RAD21L1: variants seen among roughly 807,000 people sequenced by gnomAD.
RAD21L1 encodes double-strand-break repair protein rad21-like protein 1.
RAD21L1 carries 47 observed loss-of-function variants against 69.0 expected under a neutral mutation model. That is an observed-to-expected ratio of 0.68 (90% CI 0.54 to 0.87). RAD21L1 has a LOEUF of 0.87. Ranked by LOEUF, RAD21L1 falls within the 40% of genes least tolerant of loss-of-function variation. RAD21L1 has a pLI of 0.00. For synonymous variants in RAD21L1, 177 were observed against 205.8 expected, an observed-to-expected ratio of 0.86 and a Z score of 1.20; for missense variants, 583 against 647.6, an observed-to-expected ratio of 0.90 and a Z score of 1.08.
chr20:1,254,822 G>A lies in RAD21L1; in HGVS notation c.*365G>A, dbSNP rs750615373. On this transcript the variant is annotated 3_prime_UTR_variant, in exon 14 of 14. Transcript: ENST00000683101. Reference sequence around the variant, plus strand: ...CTCAGAAATACTTAATTATAGCTAAGTAATTATTTTTAACTTAGCTGATTT... The same window carrying A: ...CTCAGAAATACTTAATTATAGCTAAATAATTATTTTTAACTTAGCTGATTT... Among the ~76,000 whole-genome samples the A allele has an allele frequency of 1.8e-4, 28 of 152,142 alleles. No homozygotes were observed. The highest frequency in any genetic ancestry group is 5.2e-4 in the Admixed American group (8 of 15,284).
chr20:1,235,410 A>AT (rs2122795653), intron 5 of RAD21L1, among the ~76,000 whole-genome samples: 1 of 152,212 alleles, frequency 6.6e-6, no homozygotes, highest in African/African-American at 2.4e-5. Context: ...ATATTTGTCC[A>AT]TTTTCAATCT....
At position 1,234,944 on chromosome 20, in the gene RAD21L1, T is replaced by C. The variant is rs117904810; in HGVS notation, c.475+753T>C. 9.9e-3 allele frequency among the ~76,000 whole-genome samples: 1,509 copies of C among 152,270 alleles called. 25 individuals are homozygous for C. The highest frequency in any genetic ancestry group is 0.06 in the South Asian group (290 of 4,816). On this transcript the variant is annotated intron_variant, in intron 5 of 13. Coordinates refer to ENST00000683101, the MANE Select transcript of RAD21L1 (RefSeq NM_001384355.1). Reference sequence around the variant, plus strand: ...TTTTTGTAAAGACAGGGTCTTGCTATGTTGCCCAGGCTGGTCTTGAACCTC... The same window carrying C: ...TTTTTGTAAAGACAGGGTCTTGCTACGTTGCCCAGGCTGGTCTTGAACCTC...
Position 1,231,595 on chromosome 20 carries a change from A to C in RAD21L1, c.344A>C (p.His115Pro). 2 of 1,521,482 alleles carry C rather than the reference A, an allele frequency of 1.3e-6. No individual in the cohort carries two copies. The highest frequency in any genetic ancestry group is 1.8e-6 in the Non-Finnish European group (2 of 1,123,024). The allele number at this position is 1,521,482 out of a possible 1,614,324, so 94.2% of individuals were successfully genotyped here. A position where few individuals can be genotyped will look rare whatever the true frequency, so the allele number is the denominator to read the frequency against. The stretch of plus-strand genomic sequence containing the variant: ...GCTATCACATTGCCAGAAGAATTTC[A>C]TGATTTTGACACCCAAAATATGAAG... ...YNAITLPEEF[H>P]DFDTQNMNAI... is the part of the protein sequence containing the mutation. Residue 115 changes from histidine to proline, a missense_variant, in exon 4 of 14, where the codon CAT (histidine) becomes CCT (proline). By Grantham distance (77) the His-to-Pro change is moderately conservative. Transcript: ENST00000683101.
At chr20:1,241,585 C>T (rs2087608500) in intron 8 of RAD21L1, among the ~76,000 whole-genome samples, 2 of 152,058 alleles carry the variant, frequency 1.3e-5, no homozygotes, top group African/African-American at 4.8e-5. Flanking sequence ...GCTTCCCTGT[C>T]TTATTTCCAC....
rs1411885803 is a variant in RAD21L1, at chr20:1,246,270, T to C, written c.1366T>C (p.Phe456Leu). 3 of 1,538,344 alleles carry C rather than the reference T, an allele frequency of 2.0e-6. No homozygotes were observed. Among genetic ancestry groups the C allele is most frequent in the East Asian group, 5.0e-5 (2 of 40,192 alleles). Residue 456 changes from phenylalanine to leucine, a missense_variant, in exon 12 of 14, where the codon TTT (phenylalanine) becomes CTT (leucine). Physicochemically the swap from Phe to Leu is conservative, Grantham distance 22. Coordinates refer to ENST00000683101, the MANE Select transcript of RAD21L1 (RefSeq NM_001384355.1). This position sits in a 1 kb window ranked among gnomAD's most constrained non-coding sequence, Gnocchi z 4.6. ...AEESSLMNDL[F>L]AQEIEYSPVE... ...GGAATCATCTTTAATGAATGACTTATTTGCACAAGAAATTGAATATAGTCC... is the reference window on the plus strand; with the variant it reads ...GGAATCATCTTTAATGAATGACTTACTTGCACAAGAAATTGAATATAGTCC...
At chr20:1,240,213 A>G (rs1375235086) in intron 7 of RAD21L1, 108 bp from the exon 8 acceptor site, 1 of 1,400,094 alleles carries the variant, frequency 7.1e-7, no homozygotes, top group African/African-American at 1.5e-5. Flanking sequence ...TCCAGTTAGT[A>G]ATATAAATCT....
intron 10 of RAD21L1, 130 bp from the exon 11 acceptor site, chr20:1,243,916 T>C: frequency 4.0e-6 from 3 of 741,086 alleles, no homozygotes; most frequent in Non-Finnish European, 6.6e-6. Flanking sequence ...ATAAGAAAGT[T>C]TGTGTATCCT....
rs1444013408 is a variant in RAD21L1, at chr20:1,254,645, C to T, written c.*188C>T. 2.5e-6 allele frequency: 1 copy of T among 406,004 alleles called. No homozygotes were observed. The highest frequency in any genetic ancestry group is 3.6e-5 in the East Asian group (1 of 28,018). 25.2% of individuals were successfully genotyped at this position (406,004 alleles called of 1,614,324 possible). A position where few individuals can be genotyped will look rare whatever the true frequency, so the allele number is the denominator to read the frequency against. On this transcript the variant is annotated 3_prime_UTR_variant, in exon 14 of 14. Coordinates refer to ENST00000683101, the MANE Select transcript of RAD21L1 (RefSeq NM_001384355.1). Reference sequence around the variant, plus strand: ...AAACCTACATGCTTACAAAGAAATACTTTAAATTCTGTTTTGTTTTTTTTT... The same window carrying T: ...AAACCTACATGCTTACAAAGAAATATTTTAAATTCTGTTTTGTTTTTTTTT...
chr20:1,246,248 A>G lies in RAD21L1; in HGVS notation c.1344A>G (p.Glu448=), dbSNP rs181295097. The change falls in exon 12 of 14, where the codon GAA becomes GAG. Residue 448 remains glutamate (E), a synonymous_variant. Coordinates refer to ENST00000683101, the MANE Select transcript of RAD21L1 (RefSeq NM_001384355.1). The surrounding 1 kb of genome is among the most constrained non-coding windows in gnomAD (Gnocchi z 4.6). The part of the protein sequence containing the change: ...IVEMVSLAAE[E]SSLMNDLFAQ... ...AAATGGTGTCTTTAGCTGCTGAGGA[A>G]TCATCTTTAATGAATGACTTATTTG... The G allele has an allele frequency of 4.2e-4, 643 of 1,541,802 alleles. No individual in the cohort carries two copies. Among genetic ancestry groups the G allele is most frequent in the Admixed American group, 6.7e-4 (33 of 49,094 alleles).
rs996877208 is a variant in RAD21L1, at chr20:1,231,589, A to G, written c.338A>G (p.Glu113Gly). The change falls in exon 4 of 14, where the codon GAA becomes GGA. Residue 113 changes from glutamate to glycine, a missense_variant. Physicochemically the swap from Glu to Gly is moderately conservative, Grantham distance 98. Coordinates refer to ENST00000683101, the MANE Select transcript of RAD21L1 (RefSeq NM_001384355.1). ...ASYNAITLPE[E>G]FHDFDTQNMN... ...TACAATGCTATCACATTGCCAGAAG[A>G]ATTTCATGATTTTGACACCCAAAAT... is the stretch of plus-strand genomic sequence containing the variant. The G allele has an allele frequency of 7.2e-6, 11 of 1,531,670 alleles. No homozygotes were observed. The highest frequency in any genetic ancestry group is 9.7e-6 in the Non-Finnish European group (11 of 1,132,126). The allele number at this position is 1,531,670 out of a possible 1,614,324, so 94.9% of individuals were successfully genotyped here.
intron 4 of RAD21L1, among the ~76,000 whole-genome samples, chr20:1,231,865 C>G (rs1410647667): frequency 6.6e-6 from 1 of 152,160 alleles, no homozygotes; most frequent in African/African-American, 2.4e-5. Context: ...CACTGAGTGC[C>G]TTCCATATGC....
rs954304729 is a variant in RAD21L1, at chr20:1,246,400, A to G, written c.1401+95A>G. 1.1e-5 allele frequency: 5 copies of G among 463,640 alleles called. No homozygotes were observed. The highest frequency in any genetic ancestry group is 1.5e-5 in the Non-Finnish European group (4 of 265,982). 28.7% of individuals were successfully genotyped at this position (463,640 alleles called of 1,614,324 possible). A position where few individuals can be genotyped will look rare whatever the true frequency, so the allele number is the denominator to read the frequency against. On this transcript the variant is annotated intron_variant, in intron 12 of 13. Coordinates refer to ENST00000683101, the MANE Select transcript of RAD21L1 (RefSeq NM_001384355.1). This position sits in a 1 kb window ranked among gnomAD's most constrained non-coding sequence, Gnocchi z 4.6. ...CTAAAACTTGGCTTTTATAGCTGTC[A>G]TGTTACTTTCTAAATTTATAATTTA...
At chr20:1,229,176 G>A (rs1222718735) in intron 2 of RAD21L1, among the ~76,000 whole-genome samples, 1 of 152,116 alleles carries the variant, frequency 6.6e-6, no homozygotes, top group Non-Finnish European at 1.5e-5. Context: ...AACCCTATGA[G>A]GTTGGCTTTT....
intron 5 of RAD21L1, among the ~76,000 whole-genome samples, chr20:1,235,793 G>C (rs1160306740): frequency 2.0e-5 from 3 of 151,282 alleles, no homozygotes; most frequent in Non-Finnish European, 4.4e-5. Context: ...TTTTAAATGG[G>C]GTCTTGTTCT....
At chr20:1,227,484 C>T (rs1440903787) in intron 1 of RAD21L1, among the ~76,000 whole-genome samples, 6 of 152,220 alleles carry the variant, frequency 3.9e-5, no homozygotes, top group Non-Finnish European at 8.8e-5. Context: ...CTTTCGCCGA[C>T]TTTGTGTTCG....
chr20:1,239,389 C>T lies in RAD21L1; in HGVS notation c.724C>T (p.Pro242Ser). 6.5e-7 allele frequency: 1 copy of T among 1,545,262 alleles called. No individual in the cohort carries two copies. Among genetic ancestry groups the T allele is most frequent in the Non-Finnish European group, 8.8e-7 (1 of 1,141,340 alleles). ...LNREISLPSE[P>S]PNSLAVEPDN... ...CAGAGAAATTTCCCTGCCTTCTGAG[C>T]CTCCCAATAGTTTAGCAGGTAGGTT... Residue 242 changes from proline (P) to serine (S), a missense_variant, in exon 7 of 14, where the codon CCT becomes TCT. By Grantham distance (74) the Pro-to-Ser change is moderately conservative. Coordinates refer to ENST00000683101, the MANE Select transcript of RAD21L1 (RefSeq NM_001384355.1).
chr20:1,247,190 C>G (rs1481146693), intron 12 of RAD21L1, among the ~76,000 whole-genome samples: 1 of 152,132 alleles, frequency 6.6e-6, no homozygotes, highest in East Asian at 1.9e-4. Context: ...GTCAAGCAAA[C>G]CACAACATAG....
At chr20:1,241,073 T>C (rs568976762) in intron 8 of RAD21L1, among the ~76,000 whole-genome samples, 2 of 152,362 alleles carry the variant, frequency 1.3e-5, no homozygotes, top group South Asian at 4.1e-4. Flanking sequence ...CCTGTACCTC[T>C]GTATCACTTG....
chr20:1,241,887 C>G (rs1406133510), intron 8 of RAD21L1, among the ~76,000 whole-genome samples: 4 of 152,222 alleles, frequency 2.6e-5, no homozygotes, highest in Non-Finnish European at 5.9e-5. Context: ...TTGACTTCTG[C>G]TTTCTGCCTG....
Sources: gnomAD v4.1 joint callset for allele counts (sites outside exome capture counted in the v4.1 genomes callset) on GRCh38, gnomAD v4.1.1 for gene constraint, Gnocchi (gnomAD v3.1) non-coding constraint, MANE v1.5 for transcripts, NCBI Gene and HGNC (gene_info 2026-07-23, HGNC 2026-07-21) for gene names.